TRPM6: variants seen among roughly 807,000 people sequenced by gnomAD.
TRPM6 encodes transient receptor potential cation channel subfamily M member 6.
Under a neutral mutation model 247.6 loss-of-function variants are expected in TRPM6, and 111 were observed. That is an observed-to-expected ratio of 0.45 (90% CI 0.38 to 0.52). TRPM6 has a LOEUF of 0.52. TRPM6 is among the 20% of genes least tolerant of loss of function. The pLI is 0.00. For missense variants in TRPM6, 2,126 were observed against 2,421.5 expected (o/e 0.88, Z 2.56); for synonymous variants, 892 against 853.8 (o/e 1.04, Z -0.78).
chr9:74,766,687 G>A (rs1237335056), intron 25 of TRPM6, among the ~76,000 whole-genome samples: 1 of 151,966 alleles, frequency 6.6e-6, no homozygotes, highest in Non-Finnish European at 1.5e-5. Context: ...GAGGCAGGTG[G>A]ATCATCTAAG....
At chr9:74,768,339 C>T (rs1826898290) in intron 25 of TRPM6, among the ~76,000 whole-genome samples, 1 of 152,166 alleles carries the variant, frequency 6.6e-6, no homozygotes, top group Non-Finnish European at 1.5e-5. Context: ...CTCTGTCATA[C>T]TTTTAGTTTC....
At chr9:74,810,417 G>A (rs1353986510) in intron 13 of TRPM6, among the ~76,000 whole-genome samples, 1 of 152,140 alleles carries the variant, frequency 6.6e-6, no homozygotes, top group Admixed American at 6.6e-5. Flanking sequence ...AACTATCACT[G>A]ATATCAAAAA....
intron 29 of TRPM6, 87 bp from the exon 30 acceptor site, chr9:74,750,809 G>T: frequency 8.4e-7 from 1 of 1,188,178 alleles, no homozygotes; most frequent in Non-Finnish European, 1.3e-6. Flanking sequence ...CACGCTCCTT[G>T]GAGAATCCTT....
chr9:74,735,307 C>T (rs1825659014), intron 36 of TRPM6, among the ~76,000 whole-genome samples: 1 of 151,866 alleles, frequency 6.6e-6, no homozygotes, highest in Non-Finnish European at 1.5e-5. Context: ...AAAGAGCAGC[C>T]CCAAGTACCA....
At position 74,852,373 on chromosome 9, in the gene TRPM6, TA is replaced by T. The variant is rs1250399567; in HGVS notation, c.152+3153del. The stretch of plus-strand genomic sequence containing the variant: ...ACACTTAGCTAAAATTTTCTTTCAA[TA>T]AAAAAAAAAAATTGTATAAATGCAT... On this transcript the variant is annotated intron_variant, in intron 3 of 38. Transcript: ENST00000360774. Among the ~76,000 whole-genome samples the T allele has an allele frequency of 8.5e-3, 1,225 of 143,454 alleles. 10 individuals carry two copies. The highest frequency in any genetic ancestry group is 0.028 in the African/African-American group (1,104 of 39,472). 94.1% of individuals were successfully genotyped at this position (143,454 alleles called of 152,430 possible). A position where few individuals can be genotyped will look rare whatever the true frequency, so the allele number is the denominator to read the frequency against.
At chr9:74,850,143 G>A (rs1207206930) in intron 3 of TRPM6, among the ~76,000 whole-genome samples, 5 of 152,184 alleles carry the variant, frequency 3.3e-5, no homozygotes, top group African/African-American at 4.8e-5. Flanking sequence ...AGGCCAAGGC[G>A]GGCGGATCAC....
chr9:74,887,761 G>A, intron 1 of TRPM6, 63 bp downstream of exon 1: 1 of 1,613,900 alleles, frequency 6.2e-7, no homozygotes, highest in South Asian at 1.1e-5. Context: ...TAAGGCCGGG[G>A]GCGCAGATCT....
intron 30 of TRPM6, among the ~76,000 whole-genome samples, chr9:74,748,438 C>G (rs553358342): frequency 6.6e-6 from 1 of 152,262 alleles, no homozygotes; most frequent in South Asian, 2.1e-4. Flanking sequence ...CAGAAGAAGG[C>G]ATTGTTATCA....
chr9:74,850,012 T>G (rs1325266854), intron 3 of TRPM6, among the ~76,000 whole-genome samples: 2 of 152,204 alleles, frequency 1.3e-5, no homozygotes, highest in Non-Finnish European at 2.9e-5. Context: ...GAGCAGCATA[T>G]GAAGTAGCAC....
intron 14 of TRPM6, among the ~76,000 whole-genome samples, chr9:74,804,207 C>T (rs935777090): frequency 2.0e-5 from 3 of 152,190 alleles, no homozygotes; most frequent in African/African-American, 7.2e-5. Flanking sequence ...TGGATGTTCT[C>T]TCCCTGGAAC....
chr9:74,847,688 C>CAT lies in TRPM6; in HGVS notation c.153-5347_153-5346dup, dbSNP rs1198465993. Among the ~76,000 whole-genome samples, 76 of 151,274 alleles carry CAT rather than the reference C, an allele frequency of 5.0e-4. No individual in the cohort carries two copies. The Middle Eastern group carries it at 0.01, about 21-fold the overall frequency. On this transcript the variant is annotated intron_variant, in intron 3 of 38. Coordinates refer to ENST00000360774, the MANE Select transcript of TRPM6 (RefSeq NM_017662.5). ...ATATATAGTCATATATAGTCAAAGT[C>CAT]ATATATATATAGTCATATATAGTCA...
Position 74,771,436 on chromosome 9 carries a change from C to CGT in TRPM6, c.3536+266_3536+267insAC, listed in dbSNP as rs201343771. Among the ~76,000 whole-genome samples the CGT allele has an allele frequency of 7.8e-3, 1,192 of 152,292 alleles. 9 individuals are homozygous for CGT. Among genetic ancestry groups the CGT allele is most frequent in the African/African-American group, 0.027 (1,142 of 41,550 alleles). On this transcript the variant is annotated intron_variant, in intron 25 of 38. Transcript: ENST00000360774. ...ACACACATGCGCACACACACACACG[C>CGT]GCGCGCGCATGAATGTAAGTCCCAT...
intron 36 of TRPM6, chr9:74,737,318 T>C: frequency 6.4e-6 from 8 of 1,249,714 alleles, no homozygotes; most frequent in Non-Finnish European, 8.3e-6. Flanking sequence ...CTTGAGCATG[T>C]GACACAAGTT....
intron 3 of TRPM6, among the ~76,000 whole-genome samples, chr9:74,844,702 G>A (rs956090172): frequency 1.4e-4 from 22 of 152,000 alleles, no homozygotes. Context: ...TTTATCATTT[G>A]TGTGTTCACT....
At chr9:74,767,700 A>C (rs1826874599) in intron 25 of TRPM6, among the ~76,000 whole-genome samples, 1 of 152,084 alleles carries the variant, frequency 6.6e-6, no homozygotes, top group Non-Finnish European at 1.5e-5. Context: ...CAGATGCGGT[A>C]ACTCACGCCT....
chr9:74,875,213 T>C (rs953222890), intron 1 of TRPM6: 25 of 453,656 alleles, frequency 5.5e-5, no homozygotes, highest in Admixed American at 9.5e-5. Context: ...TCAGAGATGT[T>C]GGCCTGCACC....
intron 38 of TRPM6, among the ~76,000 whole-genome samples, chr9:74,726,862 C>T (rs1448468095): frequency 1.3e-5 from 2 of 152,184 alleles, no homozygotes; most frequent in African/African-American, 4.8e-5. Context: ...CAGTCCCAGC[C>T]CCTTCCTGAG....
intron 4 of TRPM6, among the ~76,000 whole-genome samples, chr9:74,841,480 C>G (rs1411738871): frequency 6.6e-6 from 1 of 151,932 alleles, no homozygotes. Flanking sequence ...TAATTTAAAA[C>G]AATTTCCAAT....
intron 36 of TRPM6, among the ~76,000 whole-genome samples, chr9:74,735,405 C>A (rs533736661): frequency 1.4e-4 from 21 of 152,210 alleles, no homozygotes; most frequent in African/African-American, 5.1e-4. Context: ...TGATCCCAAC[C>A]ATCATTGAGT....
Sources: gnomAD v4.1 joint callset for allele counts (sites outside exome capture counted in the v4.1 genomes callset) on GRCh38, gnomAD v4.1.1 for gene constraint, MANE v1.5 for transcripts, NCBI Gene and HGNC (gene_info 2026-07-23, HGNC 2026-07-21) for gene names.